TPH2: variants seen among roughly 807,000 people sequenced by gnomAD.
TPH2 encodes tryptophan hydroxylase 2, also known as tryptophan 5-hydroxylase 2.
TPH2 carries 27 observed loss-of-function variants against 59.1 expected under a neutral mutation model. The observed-to-expected ratio is 0.46, with a 90% CI of 0.34 to 0.63. TPH2 has a LOEUF of 0.63. TPH2 is among the 30% of genes least tolerant of loss of function. The pLI, the probability that TPH2 is intolerant of heterozygous loss-of-function variation, is 0.01. For missense variants in TPH2, 523 were observed against 588.3 expected (o/e 0.89, Z 1.15); for synonymous variants, 220 against 210.5 (o/e 1.05, Z -0.39).
At chr12:71,941,299 G>T (rs562408349) in intron 1 of TPH2, among the ~76,000 whole-genome samples, 1 of 152,028 alleles carries the variant, frequency 6.6e-6, no homozygotes, top group Non-Finnish European at 1.5e-5. Flanking sequence ...TATTGCAGGC[G>T]TTACGACAGT....
chr12:72,021,413 C>T (rs1046465380), intron 8 of TPH2, among the ~76,000 whole-genome samples: 3 of 149,840 alleles, frequency 2.0e-5, no homozygotes, highest in African/African-American at 4.9e-5. Context: ...GTATAACATC[C>T]GCCCCACTGC....
intron 5 of TPH2, chr12:71,962,172 G>T: frequency 1.0e-6 from 1 of 986,102 alleles, no homozygotes; most frequent in Non-Finnish European, 1.2e-6. Context: ...GTCAAGCCAC[G>T]TATGTCAGAT....
rs111379373 is a variant in TPH2, at chr12:71,953,841, G to T, written c.608+4186G>T. Among the ~76,000 whole-genome samples, 142 of 152,240 alleles carry T rather than the reference G, an allele frequency of 9.3e-4. 4 individuals are homozygous for T. In the East Asian group the frequency reaches 0.014, roughly 15 times the overall value. ...TAATTAGTTAAGACTTTCTGGACAA[G>T]AAGAAGAAGTCAAACATGTGGTCAG... On this transcript the variant is annotated intron_variant, in intron 5 of 10. Transcript: ENST00000333850.
chr12:71,950,056 T>C (rs991154127), intron 5 of TPH2, among the ~76,000 whole-genome samples: 2 of 152,182 alleles, frequency 1.3e-5, no homozygotes, highest in Non-Finnish European at 2.9e-5. Flanking sequence ...AAGGGCTCAG[T>C]TAAGGAGCCG....
intron 6 of TPH2, among the ~76,000 whole-genome samples, chr12:71,974,556 C>T (rs1297021889): frequency 6.6e-6 from 1 of 152,146 alleles, no homozygotes. Flanking sequence ...ATTGGCCCCA[C>T]CCGAATTATC....
Position 72,016,067 on chromosome 12 carries a change from C to A in TPH2, c.1069-6332C>A, listed in dbSNP as rs182395991. ...TAGATGGGAAACTTGTGCATGATTC[C>A]TAGCTCTGGCAACCACTAGTTTTGG... On this transcript the variant is annotated intron_variant, in intron 8 of 10. Coordinates refer to ENST00000333850, the MANE Select transcript of TPH2 (RefSeq NM_173353.4). Among the ~76,000 whole-genome samples, 4 of 152,158 alleles carry A rather than the reference C, an allele frequency of 2.6e-5. No homozygotes were observed. The East Asian group carries it at 7.7e-4, about 29-fold the overall frequency.
At chr12:72,010,382 A>G (rs1482856508) in intron 8 of TPH2, among the ~76,000 whole-genome samples, 1 of 152,180 alleles carries the variant, frequency 6.6e-6, no homozygotes, top group Non-Finnish European at 1.5e-5. Context: ...CGGGGACCCC[A>G]GCTCAAAGGT....
chr12:71,963,416 CTATG>C lies in TPH2; in HGVS notation c.609-9099_609-9096del, dbSNP rs1416563308. On this transcript the variant is annotated intron_variant, in intron 5 of 10. Transcript: ENST00000333850. Reference sequence around the variant, plus strand: ...TATATATATTATATATGTACTAATACTATGTATTAGTGTGTGTATATACATACAT... The same window carrying C: ...TATATATATTATATATGTACTAATACTATTAGTGTGTGTATATACATACAT... Among the ~76,000 whole-genome samples, 2 of 35,250 alleles carry C rather than the reference CTATG, an allele frequency of 5.7e-5. 1 individual carries two copies. The allele number at this position is 35,250 out of a possible 152,430, so 23.1% of individuals were successfully genotyped here.
Position 72,031,816 on chromosome 12 carries a change from A to T in TPH2, c.*121A>T, listed in dbSNP as rs1461159077. ...TTGGCTAATAAGCATGCAATTCCAT[A>T]TATCTATACCATCTTGTAACTCACT... On this transcript the variant is annotated 3_prime_UTR_variant, in exon 11 of 11. Coordinates refer to ENST00000333850, the MANE Select transcript of TPH2 (RefSeq NM_173353.4). 1 of 1,135,576 alleles carries T rather than the reference A, an allele frequency of 8.8e-7. No homozygotes were observed. The highest frequency in any genetic ancestry group is 1.2e-5 in the South Asian group (1 of 80,126). The allele number at this position is 1,135,576 out of a possible 1,614,324, so 70.3% of individuals were successfully genotyped here.
chr12:71,955,153 C>T (rs1044132180), intron 5 of TPH2, among the ~76,000 whole-genome samples: 1 of 152,128 alleles, frequency 6.6e-6, no homozygotes, highest in African/African-American at 2.4e-5. Context: ...ATTTCCAACT[C>T]TAATTTAGGT....
chr12:71,995,477 C>G (rs1167468797), intron 8 of TPH2, among the ~76,000 whole-genome samples: 3 of 152,174 alleles, frequency 2.0e-5, no homozygotes, highest in Non-Finnish European at 4.4e-5. Context: ...TTCTTCATTT[C>G]CACCCAGAAA....
At chr12:71,977,472 GAC>G (rs1872154012) in intron 6 of TPH2, among the ~76,000 whole-genome samples, 2 of 150,240 alleles carry the variant, frequency 1.3e-5, no homozygotes, top group African/African-American at 5.0e-5. Flanking sequence ...CACACACACA[GAC>G]ACACGCACAC....
At chr12:72,023,343 T>C (rs927593118) in intron 9 of TPH2, among the ~76,000 whole-genome samples, 1 of 152,206 alleles carries the variant, frequency 6.6e-6, no homozygotes, top group Admixed American at 6.5e-5. Flanking sequence ...AAATGGGAAG[T>C]ATATAGTTAT....
At chr12:71,948,310 A>G (rs1871251954) in intron 4 of TPH2, among the ~76,000 whole-genome samples, 1 of 152,254 alleles carries the variant, frequency 6.6e-6, no homozygotes, top group South Asian at 2.1e-4. Flanking sequence ...TCACAGTAAA[A>G]GAAAGTGCTA....
chr12:71,952,813 A>G (rs1871387166), intron 5 of TPH2, among the ~76,000 whole-genome samples: 1 of 152,178 alleles, frequency 6.6e-6, no homozygotes, highest in Non-Finnish European at 1.5e-5. Flanking sequence ...GGGTTGTATT[A>G]AGAACTAAAA....
chr12:71,939,914 T>C (rs1282554288), intron 1 of TPH2, among the ~76,000 whole-genome samples: 1 of 152,212 alleles, frequency 6.6e-6, no homozygotes, highest in Admixed American at 6.5e-5. Context: ...ATTCAGTCTG[T>C]ATCATAGAAT....
intron 1 of TPH2, among the ~76,000 whole-genome samples, chr12:71,939,934 T>C (rs1871010442): frequency 6.6e-6 from 1 of 152,230 alleles, no homozygotes; most frequent in Admixed American, 6.5e-5. Context: ...TCATCTGTTT[T>C]AATTTCGTAG....
chr12:71,943,052 A>G (rs1871116210), intron 2 of TPH2, among the ~76,000 whole-genome samples: 1 of 152,146 alleles, frequency 6.6e-6, no homozygotes, highest in South Asian at 2.1e-4. Context: ...CTCTGCTTCA[A>G]CCAAAGGTCA....
In TPH2 at chr12:72,031,996, C is replaced by G. The variant is rs1873736320; in HGVS notation, c.*301C>G. 1 of 399,756 alleles carries G rather than the reference C, an allele frequency of 2.5e-6. No homozygotes were observed. Among genetic ancestry groups the G allele is most frequent in the African/African-American group, 2.0e-5 (1 of 48,786 alleles). 24.8% of individuals were successfully genotyped at this position (399,756 alleles called of 1,614,324 possible). A position where few individuals can be genotyped will look rare whatever the true frequency, so the allele number is the denominator to read the frequency against. On this transcript the variant is annotated 3_prime_UTR_variant, in exon 11 of 11. Transcript: ENST00000333850. ...CTAGTTAAAATTTGTAACAAATAGC[C>G]CTCTTATGAGTCTCATTTATGCCCT...
Sources: allele counts gnomAD v4.1 joint callset (sites outside exome capture counted in the v4.1 genomes callset), GRCh38; gene constraint gnomAD v4.1.1; transcripts MANE v1.5; gene names NCBI Gene and HGNC (gene_info 2026-07-23, HGNC 2026-07-21).